The following CREB5 variants were observed in gnomAD, a reference collection of about 807,000 sequenced individuals.
CREB5 encodes cyclic AMP-responsive element-binding protein 5.
A neutral mutation model predicts 57.1 loss-of-function variants in CREB5; 19 were observed. The ratio of observed to expected loss-of-function variants is 0.33; its 90% CI spans 0.23 to 0.49. The LOEUF (loss-of-function observed/expected upper bound fraction) is 0.49, where lower values mean the gene tolerates loss of function less well. CREB5 is among the 20% of genes least tolerant of loss of function. CREB5 has a pLI of 0.99. For synonymous variants in CREB5, 238 were observed against 238.3 expected (o/e 1.00, Z 0.01); for missense variants, 579 against 671.6 (o/e 0.86, Z 1.52).
At chr7:28,369,867 T>C (rs1210548906) in intron 1 of CREB5, among the ~76,000 whole-genome samples, 2 of 152,172 alleles carry the variant, frequency 1.3e-5, no homozygotes, top group Non-Finnish European at 2.9e-5. Context: ...TACTTTCTCC[T>C]AGGAGCAATG....
chr7:28,670,064 T>A (rs985359174), intron 5 of CREB5, among the ~76,000 whole-genome samples: 1 of 152,206 alleles, frequency 6.6e-6, no homozygotes, highest in African/African-American at 2.4e-5. Flanking sequence ...GTCTGAAAAG[T>A]GCTTGCAATA....
At chr7:28,716,359 T>C (rs1005599063) in intron 5 of CREB5, among the ~76,000 whole-genome samples, 5 of 152,222 alleles carry the variant, frequency 3.3e-5, no homozygotes, top group Non-Finnish European at 5.9e-5. Flanking sequence ...AAGAAATGTT[T>C]TTAGCTGTCT....
chr7:28,402,688 G>T (rs971162162), intron 1 of CREB5, among the ~76,000 whole-genome samples: 23 of 152,182 alleles, frequency 1.5e-4, no homozygotes, highest in African/African-American at 5.6e-4. Context: ...ATGGATTAAA[G>T]ACTTAAATGT....
At chr7:28,313,718 C>T (rs1215384771) in intron 1 of CREB5, among the ~76,000 whole-genome samples, 1 of 152,162 alleles carries the variant, frequency 6.6e-6, no homozygotes, top group East Asian at 1.9e-4. Context: ...TAGTGATGGA[C>T]AACTCAATAC....
At position 28,539,985 on chromosome 7, in the gene CREB5, T is replaced by C. The variant is rs138251761; in HGVS notation, c.292-30380T>C. Among the ~76,000 whole-genome samples, 11 of 152,368 alleles carry C rather than the reference T, an allele frequency of 7.2e-5. No individual in the cohort carries two copies. In the East Asian group the frequency reaches 2.1e-3, roughly 29 times the overall value. On this transcript the variant is annotated intron_variant, in intron 4 of 10. Coordinates refer to ENST00000357727, the MANE Select transcript of CREB5 (RefSeq NM_182898.4). ...TATGGCTGTTTCCAAGGATGCATGG[T>C]ACACGTGTAATGTGGGGTCTTTCAG...
chr7:28,666,710 G>C (rs10255760), intron 5 of CREB5, among the ~76,000 whole-genome samples: 39,455 of 151,790 alleles, frequency 0.26, 5,233 homozygotes, highest in Middle Eastern at 0.36. Flanking sequence ...GCCTGTTATT[G>C]CAACTACTCA....
chr7:28,318,112 C>T (rs188344627), intron 1 of CREB5, among the ~76,000 whole-genome samples: 1 of 152,308 alleles, frequency 6.6e-6, no homozygotes, highest in Admixed American at 6.5e-5. Context: ...TTAAAACCTG[C>T]CAGACATTCC....
chr7:28,585,646 G>A (rs1194242230), intron 5 of CREB5, among the ~76,000 whole-genome samples: 1 of 152,158 alleles, frequency 6.6e-6, no homozygotes, highest in African/African-American at 2.4e-5. Context: ...GTGATTTAAA[G>A]GCAACGTCCT....
intron 7 of CREB5, among the ~76,000 whole-genome samples, chr7:28,755,162 G>A (rs1805225219): frequency 6.6e-6 from 1 of 152,172 alleles, no homozygotes; most frequent in Non-Finnish European, 1.5e-5. Flanking sequence ...AAGAGAAAGT[G>A]CTTTAGAAGT....
chr7:28,641,567 G>A (rs1182079325), intron 5 of CREB5, among the ~76,000 whole-genome samples: 2 of 152,122 alleles, frequency 1.3e-5, no homozygotes, highest in African/African-American at 2.4e-5. Flanking sequence ...CATGGCAGAT[G>A]TGGAGGCCTG....
intron 9 of CREB5, among the ~76,000 whole-genome samples, chr7:28,812,553 G>T (rs947378403): frequency 6.6e-6 from 1 of 152,126 alleles, no homozygotes; most frequent in African/African-American, 2.4e-5. Context: ...CATGTAACAG[G>T]CACCAATATC....
Position 28,507,698 on chromosome 7 carries a change from C to T in CREB5, c.252C>T (p.His84=), listed in dbSNP as rs747555411. 30 of 1,610,756 alleles carry T rather than the reference C, an allele frequency of 1.9e-5. No individual in the cohort carries two copies. Among genetic ancestry groups the T allele is most frequent in the East Asian group, 8.9e-5 (4 of 44,788 alleles). The change falls in exon 4 of 11, where the codon CAC becomes CAT. Residue 84 remains histidine, a synonymous_variant. Transcript: ENST00000357727. ...GCGAGCTGGACTGCTCCCTGGAGCA[C>T]GAGTTCAGGAAGGCTCAGGAAGAGG... ...LFSELDCSLE[H]EFRKAQEEES...
chr7:28,536,201 T>C (rs1336342166), intron 4 of CREB5, among the ~76,000 whole-genome samples: 2 of 152,212 alleles, frequency 1.3e-5, no homozygotes, highest in Non-Finnish European at 2.9e-5. Flanking sequence ...AGGGGGATGC[T>C]GTTTAGTTTT....
At chr7:28,468,890 T>C (rs1790694716) in intron 1 of CREB5, among the ~76,000 whole-genome samples, 1 of 152,216 alleles carries the variant, frequency 6.6e-6, no homozygotes, top group Non-Finnish European at 1.5e-5. Flanking sequence ...ATGTCCAAGA[T>C]CATGTAGGTC....
intron 5 of CREB5, among the ~76,000 whole-genome samples, chr7:28,620,066 A>C (rs1343984512): frequency 6.6e-6 from 1 of 152,212 alleles, no homozygotes; most frequent in Non-Finnish European, 1.5e-5. Context: ...AGACTTGATG[A>C]AGTGAAGCTT....
At chr7:28,488,602 T>C (rs1438082897) in intron 2 of CREB5, among the ~76,000 whole-genome samples, 1 of 152,224 alleles carries the variant, frequency 6.6e-6, no homozygotes, top group Non-Finnish European at 1.5e-5. Context: ...CACTTGAATA[T>C]ACTGGCTGGG....
intron 1 of CREB5, among the ~76,000 whole-genome samples, chr7:28,374,396 C>A (rs1170205004): frequency 2.0e-5 from 3 of 152,104 alleles, no homozygotes; most frequent in Admixed American, 2.0e-4. Context: ...CAAATGTTCA[C>A]CGTGGTATAA....
chr7:28,768,423 A>T (rs1174290164), intron 7 of CREB5, among the ~76,000 whole-genome samples: 1 of 152,232 alleles, frequency 6.6e-6, no homozygotes, highest in Non-Finnish European at 1.5e-5. Flanking sequence ...TGTCACAAAA[A>T]AAAGGATGAT....
chr7:28,340,478 G>C (rs1022119691), intron 1 of CREB5, among the ~76,000 whole-genome samples: 3 of 151,188 alleles, frequency 2.0e-5, no homozygotes, highest in African/African-American at 7.3e-5. Context: ...AATAGGTGCT[G>C]TATCCTACCA....
Sources: gnomAD v4.1 joint callset for allele counts (sites outside exome capture counted in the v4.1 genomes callset) on GRCh38, gnomAD v4.1.1 for gene constraint, MANE v1.5 for transcripts, NCBI Gene and HGNC (gene_info 2026-07-23, HGNC 2026-07-21) for gene names.